Variants in ZMPSTE24 observed in about 807,000 individuals in gnomAD.
ZMPSTE24 encodes the protein CAAX prenyl protease 1 homolog.
A neutral mutation model predicts 56.7 loss-of-function variants in ZMPSTE24; 48 were observed. That is an observed-to-expected ratio of 0.85 (90% CI 0.67 to 1.08). The LOEUF is 1.08. Ranked by LOEUF, ZMPSTE24 falls within the 50% of genes least tolerant of loss-of-function variation. ZMPSTE24 has a pLI of 0.00. For synonymous variants in ZMPSTE24, 172 were observed against 195.2 expected (o/e 0.88, Z 0.99); for missense variants, 503 against 548.7 (o/e 0.92, Z 0.83).
chr1:40,289,906 G>A (rs538840443), intron 8 of ZMPSTE24, among the ~76,000 whole-genome samples: 58 of 152,204 alleles, frequency 3.8e-4, no homozygotes, highest in Admixed American at 2.2e-3. Context: ...TGATTACAGT[G>A]TTATAAAACA....
chr1:40,265,063 C>T (rs1001166919), intron 2 of ZMPSTE24, among the ~76,000 whole-genome samples: 1 of 152,002 alleles, frequency 6.6e-6, no homozygotes, highest in African/African-American at 2.4e-5. Context: ...AGAAACTAAA[C>T]ATGCTTTGTT....
Position 40,275,891 on chromosome 1 carries a change from G to A in ZMPSTE24, c.769+3856G>A, listed in dbSNP as rs574654374. On this transcript the variant is annotated intron_variant, in intron 6 of 9. Transcript: ENST00000372759. Reference sequence around the variant, plus strand: ...TCATATTGCAGAACCTGTCTGGTGAGGACACTGCTGTGGCTACTTCAGAAC... The same window carrying A: ...TCATATTGCAGAACCTGTCTGGTGAAGACACTGCTGTGGCTACTTCAGAAC... 5.9e-4 allele frequency among the ~76,000 whole-genome samples: 90 copies of A among 152,270 alleles called. 2 individuals carry two copies. The highest frequency in any genetic ancestry group is 6.8e-3 in the Middle Eastern group (2 of 294).
chr1:40,281,616 A>T, intron 7 of ZMPSTE24, 89 bp downstream of exon 7: 1 of 1,365,664 alleles, frequency 7.3e-7, no homozygotes, highest in Non-Finnish European at 1.0e-6. Flanking sequence ...CTAGGCAGTG[A>T]GTGTTGAATT....
intron 6 of ZMPSTE24, among the ~76,000 whole-genome samples, chr1:40,272,678 GT>G (rs1390564987): frequency 6.6e-6 from 1 of 152,162 alleles, no homozygotes; most frequent in Non-Finnish European, 1.5e-5. Flanking sequence ...GACTTTGGTA[GT>G]TGACTATTAA....
chr1:40,258,535 C>A (rs1643461981), intron 1 of ZMPSTE24, 141 bp downstream of exon 1: 1 of 1,459,488 alleles, frequency 6.9e-7, no homozygotes. Flanking sequence ...CGTAACTTGG[C>A]CCGATGGCGG....
At chr1:40,291,112 C>T (rs1643839410) in intron 9 of ZMPSTE24, 115 bp downstream of exon 9, 1 of 1,392,710 alleles carries the variant, frequency 7.2e-7, no homozygotes, top group South Asian at 1.3e-5. Flanking sequence ...ATAGATGAAA[C>T]AAAGTCTTTT....
At chr1:40,275,752 CAAA>C (rs34281343) in intron 6 of ZMPSTE24, among the ~76,000 whole-genome samples, 4 of 62,668 alleles carry the variant, frequency 6.4e-5, no homozygotes, top group Non-Finnish European at 1.3e-4. Context: ...GACCCTGTCT[CAAA>C]AAAAAAAAAA....
At chr1:40,281,089 A>G (rs1388408697) in intron 6 of ZMPSTE24, among the ~76,000 whole-genome samples, 1 of 152,166 alleles carries the variant, frequency 6.6e-6, no homozygotes, top group African/African-American at 2.4e-5. Flanking sequence ...ACTATAATTG[A>G]ATCATTTGTA....
At chr1:40,291,043 T>G (rs373238558) in intron 9 of ZMPSTE24, 46 bp downstream of exon 9, 4 of 1,605,432 alleles carry the variant, frequency 2.5e-6, no homozygotes, top group Non-Finnish European at 3.4e-6. Flanking sequence ...TCTTGCCTGC[T>G]TCAAATCTAG....
chr1:40,291,106 A>T (rs77044420), intron 9 of ZMPSTE24, 109 bp downstream of exon 9: 1 of 1,428,330 alleles, frequency 7.0e-7, no homozygotes, highest in Non-Finnish European at 9.5e-7. Flanking sequence ...TAACAAATAG[A>T]TGAAACAAAG....
chr1:40,270,787 A>G (rs1643606532), intron 5 of ZMPSTE24, among the ~76,000 whole-genome samples: 1 of 151,846 alleles, frequency 6.6e-6, no homozygotes, highest in Non-Finnish European at 1.5e-5. Flanking sequence ...CCATACTCTC[A>G]AGTGCTTCAC....
At chr1:40,276,704 C>T (rs1643674426) in intron 6 of ZMPSTE24, among the ~76,000 whole-genome samples, 1 of 152,150 alleles carries the variant, frequency 6.6e-6, no homozygotes, top group Non-Finnish European at 1.5e-5. Context: ...CGCCATTAGG[C>T]TTTTCGTTGT....
Position 40,286,041 on chromosome 1 carries a change from G to A in ZMPSTE24, c.1059+12G>A, listed in dbSNP as rs769464397. On this transcript the variant is annotated intron_variant, in intron 8 of 9. Coordinates refer to ENST00000372759, the MANE Select transcript of ZMPSTE24 (RefSeq NM_005857.5). ...TCATTATTAGCCAGGTAAGTGTGGA[G>A]TGACAATTCTTTTTTTATGGCATGA... 3.7e-6 allele frequency: 6 copies of A among 1,604,952 alleles called. No individual in the cohort carries two copies. In the African/African-American group the frequency reaches 8.0e-5, roughly 21 times the overall value.
At chr1:40,291,295 A>C (rs1427213359) in intron 9 of ZMPSTE24, among the ~76,000 whole-genome samples, 1 of 152,216 alleles carries the variant, frequency 6.6e-6, no homozygotes, top group Non-Finnish European at 1.5e-5. Context: ...GTCCTAGGCC[A>C]CATATTCACC....
intron 6 of ZMPSTE24, among the ~76,000 whole-genome samples, chr1:40,273,745 CA>C (rs1465422109): frequency 6.7e-6 from 1 of 149,668 alleles, no homozygotes; most frequent in African/African-American, 2.5e-5. Flanking sequence ...AATCATTAAT[CA>C]GTACAACAGA....
In ZMPSTE24 at chr1:40,292,777, G is replaced by A; in HGVS notation, c.*108G>A. 1 of 903,486 alleles carries A rather than the reference G, an allele frequency of 1.1e-6. No homozygotes were observed. Among genetic ancestry groups the A allele is most frequent in the South Asian group, 1.5e-5 (1 of 66,918 alleles). 56.0% of individuals were successfully genotyped at this position (903,486 alleles called of 1,614,324 possible). On this transcript the variant is annotated 3_prime_UTR_variant, in exon 10 of 10. Coordinates refer to ENST00000372759, the MANE Select transcript of ZMPSTE24 (RefSeq NM_005857.5). ...TTTTTTAGAAGAAAAATTAAGTACA[G>A]AAAAGCCCAGATTTAAATACATTTA...
intron 2 of ZMPSTE24, among the ~76,000 whole-genome samples, chr1:40,264,070 G>A (rs1460344732): frequency 3.3e-5 from 5 of 152,130 alleles, no homozygotes; most frequent in African/African-American, 9.7e-5. Context: ...GGTGGCTCAC[G>A]CCTGTATTCC....
chr1:40,285,900 T>A, intron 7 of ZMPSTE24, 25 bp from the exon 8 acceptor site: 1 of 1,585,256 alleles, frequency 6.3e-7, no homozygotes, highest in Non-Finnish European at 8.6e-7. Flanking sequence ...TCTCAATAAT[T>A]TATTTTTGAT....
chr1:40,260,373 T>A (rs999020111), intron 1 of ZMPSTE24, among the ~76,000 whole-genome samples: 1 of 152,156 alleles, frequency 6.6e-6, no homozygotes, highest in Non-Finnish European at 1.5e-5. Flanking sequence ...AAATTGGTCT[T>A]TTCTCACAGA....
Sources: allele counts gnomAD v4.1 joint callset (sites outside exome capture counted in the v4.1 genomes callset), GRCh38; gene constraint gnomAD v4.1.1; transcripts MANE v1.5; gene names NCBI Gene and HGNC (gene_info 2026-07-23, HGNC 2026-07-21).